ZSCAN25: variants seen among roughly 807,000 people sequenced by gnomAD.
The protein encoded by ZSCAN25 is zinc finger and SCAN domain containing 25.
ZSCAN25 carries 27 observed loss-of-function variants against 38.7 expected under a neutral mutation model. The observed-to-expected ratio is 0.70, with a 90% CI of 0.51 to 0.96. ZSCAN25 has a LOEUF of 0.96. Among genes scored for constraint, ZSCAN25 ranks in the 40% least tolerant of loss-of-function variants. The pLI is 0.00. For missense variants in ZSCAN25, 637 were observed against 705.9 expected, an observed-to-expected ratio of 0.90 and a Z score of 1.11; for synonymous variants, 273 against 277.7, an observed-to-expected ratio of 0.98 and a Z score of 0.17.
At chr7:99,638,824 A>ACGC in the ZSCAN25 span, 1 of 713,012 alleles carries the variant, frequency 1.4e-6, no homozygotes, top group Non-Finnish European at 2.5e-6. Flanking sequence ...TCAGCCAACA[A>ACGC]CGCCGCCGCC....
the ZSCAN25 span, chr7:99,699,865 A>G: frequency 3.8e-6 from 3 of 780,404 alleles, no homozygotes; most frequent in South Asian, 1.4e-5. Flanking sequence ...CTCCTCCTTG[A>G]ACATCTCTTT....
In ZSCAN25 at chr7:99,619,121, A is replaced by T. The variant is rs1219973367; in HGVS notation, c.-58A>T. Reference sequence around the variant, plus strand: ...TTTCTGTCTGCTGTACCAGCATATGAGTTTCAGGAGGGTAAGCTCCCAGTG... The same window carrying T: ...TTTCTGTCTGCTGTACCAGCATATGTGTTTCAGGAGGGTAAGCTCCCAGTG... On this transcript the variant is annotated 5_prime_UTR_variant, in exon 3 of 8. Coordinates refer to ENST00000394152, the MANE Select transcript of ZSCAN25 (RefSeq NM_145115.3). The T allele has an allele frequency of 2.6e-5, 4 of 153,120 alleles. No homozygotes were observed. Among genetic ancestry groups the T allele is most frequent in the African/African-American group, 9.7e-5 (4 of 41,396 alleles). 9.5% of individuals were successfully genotyped at this position (153,120 alleles called of 1,614,324 possible).
chr7:99,625,820 C>T (rs899993177), intron 7 of ZSCAN25, among the ~76,000 whole-genome samples: 1 of 152,206 alleles, frequency 6.6e-6, no homozygotes, highest in Non-Finnish European at 1.5e-5. Flanking sequence ...CTCAGTGTCT[C>T]AGAACTCAGA....
intron 4 of ZSCAN25, chr7:99,620,445 T>G (rs1584344695): frequency 6.1e-6 from 1 of 164,226 alleles, no homozygotes; most frequent in East Asian, 1.8e-4. Flanking sequence ...CTGGTGCTGC[T>G]CTAATGACAC....
chr7:99,655,255 A>T, the ZSCAN25 span, among the ~76,000 whole-genome samples: 2 of 152,180 alleles, frequency 1.3e-5, no homozygotes, highest in African/African-American at 2.4e-5. Context: ...TAATTTTTGT[A>T]TAAGGTGTAA....
chr7:99,626,574 C>T (rs1011561006), intron 7 of ZSCAN25, among the ~76,000 whole-genome samples: 1 of 152,038 alleles, frequency 6.6e-6, no homozygotes, highest in Non-Finnish European at 1.5e-5. Flanking sequence ...GAGGAGTCTA[C>T]GTCTTAGGAT....
chr7:99,730,961 T>C, the ZSCAN25 span: 2 of 1,484,366 alleles, frequency 1.3e-6, no homozygotes, highest in Admixed American at 3.7e-5. Flanking sequence ...AAGTATAAAA[T>C]CTCAGACCTT....
At chr7:99,671,631 T>C in the ZSCAN25 span, 8 of 565,180 alleles carry the variant, frequency 1.4e-5, no homozygotes. Flanking sequence ...TGTTAAACTA[T>C]ATAACTCTTA....
intron 6 of ZSCAN25, among the ~76,000 whole-genome samples, chr7:99,623,168 T>C (rs1224305477): frequency 2.0e-5 from 3 of 152,194 alleles, no homozygotes; most frequent in African/African-American, 7.2e-5. Flanking sequence ...GCTGTGCTGA[T>C]TGGCCCCGAG....
the ZSCAN25 span, chr7:99,659,778 G>C: frequency 6.5e-6 from 1 of 153,512 alleles, no homozygotes; most frequent in African/African-American, 2.4e-5. Context: ...GCAATGGCGG[G>C]CGCCCCTCCC....
At chr7:99,648,045 G>A in the ZSCAN25 span, 1 of 1,089,364 alleles carries the variant, frequency 9.2e-7, no homozygotes, top group Non-Finnish European at 1.1e-6. Flanking sequence ...CTAGAGGTGG[G>A]TAGAGGTAGT....
At chr7:99,665,852 CA>C in the ZSCAN25 span, among the ~76,000 whole-genome samples, 1 of 152,180 alleles carries the variant, frequency 6.6e-6, no homozygotes, top group Non-Finnish European at 1.5e-5. Flanking sequence ...CCACTATCCC[CA>C]GCTCCTCTGA....
chr7:99,631,154 G>A lies in ZSCAN25; in HGVS notation c.*1134G>A, dbSNP rs183937893. ...GTGGATATTCCTGCAAATCCTCTGG[G>A]CCTGTATTCATTGCTTTGTCAGCAT... On this transcript the variant is annotated 3_prime_UTR_variant, in exon 8 of 8. Coordinates refer to ENST00000394152, the MANE Select transcript of ZSCAN25 (RefSeq NM_145115.3). 1.0e-6 allele frequency: 1 copy of A among 985,328 alleles called. No individual in the cohort carries two copies. Among genetic ancestry groups the A allele is most frequent in the Non-Finnish European group, 1.2e-6 (1 of 829,920 alleles). 61.0% of individuals were successfully genotyped at this position (985,328 alleles called of 1,614,324 possible). A position where few individuals can be genotyped will look rare whatever the true frequency, so the allele number is the denominator to read the frequency against.
At chr7:99,627,940 C>T (rs755794865) in intron 7 of ZSCAN25, among the ~76,000 whole-genome samples, 4 of 151,728 alleles carry the variant, frequency 2.6e-5, no homozygotes, top group Admixed American at 6.6e-5. Flanking sequence ...ATGCTGTTTA[C>T]GTGGTTGGGT....
the ZSCAN25 span, among the ~76,000 whole-genome samples, chr7:99,677,536 G>A: frequency 6.6e-6 from 1 of 152,302 alleles, no homozygotes; most frequent in East Asian, 1.9e-4. Context: ...CCTCTTTAGA[G>A]GTTAGCCTTC....
chr7:99,652,522 G>C, the ZSCAN25 span: 2 of 1,518,896 alleles, frequency 1.3e-6, no homozygotes, highest in Admixed American at 1.8e-5. Context: ...GCCTGGGTCA[G>C]GGTGAGCTCC....
At chr7:99,632,738 C>G (rs980573221), downstream of ZSCAN25, among the ~76,000 whole-genome samples, 5 of 152,238 alleles carry the variant, frequency 3.3e-5, no homozygotes, top group East Asian at 1.9e-4. Flanking sequence ...TGCAGTGAGC[C>G]CTGATTGTGC....
chr7:99,698,116 G>A, the ZSCAN25 span, among the ~76,000 whole-genome samples: 4 of 152,114 alleles, frequency 2.6e-5, no homozygotes, highest in Non-Finnish European at 5.9e-5. Flanking sequence ...CCAATGAAGA[G>A]GCTAACAGAA....
chr7:99,650,393 G>A, the ZSCAN25 span, among the ~76,000 whole-genome samples: 9 of 152,184 alleles, frequency 5.9e-5, no homozygotes, highest in African/African-American at 1.4e-4. Context: ...TGGTTATTTC[G>A]TTATAATCAT....
Sources: gnomAD v4.1 joint callset for allele counts (sites outside exome capture counted in the v4.1 genomes callset) on GRCh38, gnomAD v4.1.1 for gene constraint, MANE v1.5 for transcripts, NCBI Gene and HGNC (gene_info 2026-07-23, HGNC 2026-07-21) for gene names.